Variants in SCFD2 observed in about 807,000 individuals in gnomAD.
SCFD2 encodes the protein sec1 family domain-containing protein 2.
Under a neutral mutation model 58.9 loss-of-function variants are expected in SCFD2, and 54 were observed. The ratio of observed to expected loss-of-function variants is 0.92; its 90% CI spans 0.74 to 1.15. SCFD2 has a LOEUF of 1.15. Among genes scored for constraint, SCFD2 ranks in the 50% most tolerant of loss-of-function variants. The pLI, the probability that SCFD2 is intolerant of heterozygous loss-of-function variation, is 0.00. For synonymous variants in SCFD2, 321 were observed against 335.9 expected (o/e 0.96, Z 0.49); for missense variants, 805 against 836.6 (o/e 0.96, Z 0.47).
chr4:53,019,356 G>A (rs116467018), intron 5 of SCFD2, among the ~76,000 whole-genome samples: 2,406 of 152,234 alleles, frequency 0.016, 27 homozygotes, highest in Non-Finnish European at 0.024. Context: ...TTATGTAGGT[G>A]TATAGATAGA....
At chr4:52,922,931 T>A (rs962759836) in intron 5 of SCFD2, among the ~76,000 whole-genome samples, 1 of 152,176 alleles carries the variant, frequency 6.6e-6, no homozygotes, top group Non-Finnish European at 1.5e-5. Flanking sequence ...GATACACGTG[T>A]TGAAAAGAAA....
intron 8 of SCFD2, among the ~76,000 whole-genome samples, chr4:52,878,274 G>T (rs1718526118): frequency 6.6e-6 from 1 of 152,194 alleles, no homozygotes; most frequent in Admixed American, 6.5e-5. Context: ...CAGTGAAGGA[G>T]GCAGGGAGTG....
chr4:52,931,085 T>C (rs1719982567), intron 5 of SCFD2, among the ~76,000 whole-genome samples: 1 of 152,208 alleles, frequency 6.6e-6, no homozygotes, highest in African/African-American at 2.4e-5. Context: ...CACAGGCTCC[T>C]ACTAGGAATC....
At chr4:53,147,360 C>T (rs1334907148) in intron 4 of SCFD2, among the ~76,000 whole-genome samples, 2 of 152,272 alleles carry the variant, frequency 1.3e-5, no homozygotes, top group East Asian at 3.9e-4. Context: ...CCAGTCAAGC[C>T]ATTTCCACAC....
intron 5 of SCFD2, among the ~76,000 whole-genome samples, chr4:53,123,539 G>GGGGGGGGGGGC (rs1560345946): frequency 7.5e-6 from 1 of 132,692 alleles, no homozygotes; most frequent in Non-Finnish European, 1.6e-5. Flanking sequence ...GGGTGGGGGG[G>GGGGGGGGGGGC]GGGCACTGAC....
At chr4:53,334,295 A>T (rs1172002077) in intron 2 of SCFD2, among the ~76,000 whole-genome samples, 100 of 151,548 alleles carry the variant, frequency 6.6e-4, no homozygotes, top group African/African-American at 2.2e-3. Flanking sequence ...TAAAGACACA[A>T]GCACACGTAT....
chr4:52,994,757 A>C (rs1721704325), intron 5 of SCFD2, among the ~76,000 whole-genome samples: 1 of 152,236 alleles, frequency 6.6e-6, no homozygotes. Flanking sequence ...CACTGTTTGC[A>C]ATGCAAAAAC....
At chr4:53,341,453 T>C (rs1733869010) in intron 2 of SCFD2, among the ~76,000 whole-genome samples, 1 of 152,128 alleles carries the variant, frequency 6.6e-6, no homozygotes, top group Non-Finnish European at 1.5e-5. Flanking sequence ...AATATGGGAC[T>C]ATGTGAAAAG....
At chr4:53,160,635 CA>C (rs1726825914) in intron 4 of SCFD2, among the ~76,000 whole-genome samples, 1 of 151,158 alleles carries the variant, frequency 6.6e-6, no homozygotes, top group Non-Finnish European at 1.5e-5. Flanking sequence ...AAGCCCAGGA[CA>C]AAAAAAGAGA....
intron 5 of SCFD2, among the ~76,000 whole-genome samples, chr4:53,111,603 T>C (rs1725175558): frequency 6.6e-6 from 1 of 152,136 alleles, no homozygotes; most frequent in Non-Finnish European, 1.5e-5. Flanking sequence ...GACGTATAAT[T>C]GAGGACTGAA....
chr4:53,284,955 A>AT (rs1205164081), intron 3 of SCFD2, among the ~76,000 whole-genome samples: 3 of 152,192 alleles, frequency 2.0e-5, no homozygotes, highest in Non-Finnish European at 2.9e-5. Flanking sequence ...TGGTTACACA[A>AT]TTTTTTTAGC....
At chr4:53,326,047 A>G (rs753529393) in intron 2 of SCFD2, among the ~76,000 whole-genome samples, 3 of 152,258 alleles carry the variant, frequency 2.0e-5, no homozygotes, top group Non-Finnish European at 4.4e-5. Flanking sequence ...CCACATTAGC[A>G]GATGACAAGA....
Position 53,134,210 on chromosome 4 carries a change from G to T in SCFD2, c.1561+11123C>A, listed in dbSNP as rs374552254. 5.9e-5 allele frequency among the ~76,000 whole-genome samples: 9 copies of T among 152,262 alleles called. No individual in the cohort carries two copies. The East Asian group carries it at 9.7e-4, about 16-fold the overall frequency. ...TGGGGAGTTGCTTGCTAATCAATGG[G>T]CATAAAGTTTCAGGTATGTAAGGTG... On this transcript the variant is annotated intron_variant, in intron 5 of 8. Transcript: ENST00000401642.
In SCFD2 at chr4:53,089,810, A is replaced by G. The variant is rs537426925; in HGVS notation, c.1561+55523T>C. ...TATTCTTAAATTAGTTTTGGAATCT[A>G]CATCTGGACTAAATGCTAATATTAT... On this transcript the variant is annotated intron_variant, in intron 5 of 8. Coordinates refer to ENST00000401642, the MANE Select transcript of SCFD2 (RefSeq NM_152540.4). Among the ~76,000 whole-genome samples the G allele has an allele frequency of 1.5e-3, 232 of 152,326 alleles. 2 individuals carry two copies. The highest frequency in any genetic ancestry group is 6.8e-3 in the Middle Eastern group (2 of 294).
chr4:53,014,464 C>A (rs1240573111), intron 5 of SCFD2, among the ~76,000 whole-genome samples: 2 of 152,222 alleles, frequency 1.3e-5, no homozygotes, highest in Non-Finnish European at 2.9e-5. Flanking sequence ...AGTTATTCTT[C>A]CCTGTCATCC....
At chr4:53,313,901 T>C (rs1732777255) in intron 2 of SCFD2, 138 bp from the exon 3 acceptor site, 2 of 663,640 alleles carry the variant, frequency 3.0e-6, no homozygotes, top group Non-Finnish European at 4.9e-6. Flanking sequence ...AGTATTAGGA[T>C]TAAATAAAGA....
At chr4:53,363,439 GTGCCGGGCTCTAAATCATACT>G (rs1734603980) in intron 1 of SCFD2, among the ~76,000 whole-genome samples, 1 of 152,026 alleles carries the variant, frequency 6.6e-6, no homozygotes, top group South Asian at 2.1e-4. Context: ...ATGAGCCACT[GTGCCGGGCTCTAAATCATACT>G]TGACTACGTT....
At chr4:53,007,766 C>T (rs1380385944) in intron 5 of SCFD2, among the ~76,000 whole-genome samples, 1 of 152,208 alleles carries the variant, frequency 6.6e-6, no homozygotes, top group Non-Finnish European at 1.5e-5. Context: ...CACTAGCCAT[C>T]CTTCCTACAT....
intron 5 of SCFD2, among the ~76,000 whole-genome samples, chr4:52,928,509 A>G (rs1014874126): frequency 2.6e-5 from 4 of 152,116 alleles, no homozygotes; most frequent in African/African-American, 9.7e-5. Flanking sequence ...TAGAGCTATA[A>G]CTATCTAGGT....
Sources: allele counts gnomAD v4.1 joint callset (sites outside exome capture counted in the v4.1 genomes callset), GRCh38; gene constraint gnomAD v4.1.1; transcripts MANE v1.5; gene names NCBI Gene and HGNC (gene_info 2026-07-23, HGNC 2026-07-21).